ATG9B: variants seen among roughly 807,000 people sequenced by gnomAD.
The protein encoded by ATG9B is autophagy related 9B.
A neutral mutation model predicts 92.9 loss-of-function variants in ATG9B; 92 were observed. The observed-to-expected ratio is 0.99, with a 90% CI of 0.84 to 1.18. The LOEUF (loss-of-function observed/expected upper bound fraction) is 1.18. ATG9B is among the 50% of genes most tolerant of loss of function. The probability of loss-of-function intolerance (pLI) is 0.00; values close to 1 mark genes in which losing one functional copy is unlikely to be tolerated. For synonymous variants in ATG9B, 599 were observed against 551.4 expected, an observed-to-expected ratio of 1.09 and a Z score of -1.21; for missense variants, 1,344 against 1,235.0, an observed-to-expected ratio of 1.09 and a Z score of -1.32.
chr7:151,023,535 T>A, intron 2 of ATG9B, 26 bp from the exon 3 acceptor site: 3 of 1,612,948 alleles, frequency 1.9e-6, no homozygotes, highest in Non-Finnish European at 2.5e-6. Flanking sequence ...GGAACAAGCC[T>A]GAGGCACGGG....
chr7:151,019,054 C>T lies in ATG9B; in HGVS notation c.1284G>A (p.Arg428=). 6.5e-7 allele frequency: 1 copy of T among 1,537,732 alleles called. No homozygotes were observed. The highest frequency in any genetic ancestry group is 8.7e-7 in the Non-Finnish European group (1 of 1,147,074). Residue 428 remains arginine, a synonymous_variant, in exon 6 of 14, where the codon CGG becomes CGA. Coordinates refer to ENST00000639579, the MANE Select transcript of ATG9B (RefSeq NM_001317056.2). ...GCCCCCAGCGCGCTGCTAGGGCGCCCCGCTGGTCGCTGCGCTTGTAGGCGT... is the reference window on the plus strand; with the variant it reads ...GCCCCCAGCGCGCTGCTAGGGCGCCTCGCTGGTCGCTGCGCTTGTAGGCGT... ...LPHAYKRSDQ[R]GALAARWGRT...
At chr7:151,015,779 A>C (rs991394828) in intron 13 of ATG9B, 66 bp from the exon 14 acceptor site, 1 of 1,410,688 alleles carries the variant, frequency 7.1e-7, no homozygotes. Flanking sequence ...ACCACCTCCC[A>C]TCACCCCAAA....
downstream of ATG9B, chr7:151,013,164 C>T: frequency 6.5e-7 from 1 of 1,532,048 alleles, no homozygotes; most frequent in Non-Finnish European, 8.8e-7. Flanking sequence ...CGACGGTGGC[C>T]TGTGGGGAGG....
At position 151,019,316 on chromosome 7, in the gene ATG9B, C is replaced by T; in HGVS notation, c.1022G>A (p.Arg341Gln). Residue 341 changes from arginine to glutamine, a missense_variant, in exon 6 of 14, where the codon CGG becomes CAG. Arg to Gln is a conservative substitution (Grantham distance 43). Transcript: ENST00000639579. ...EVQSRLLALQ[R>Q]SGGLCVQPRP... ...CGGCTGCACGCACAGGCCCCCGCTC[C>T]GCTGCAGTGCCAAGAGGCGGGACTG... 1 of 1,576,448 alleles carries T rather than the reference C, an allele frequency of 6.3e-7. No individual in the cohort carries two copies. The highest frequency in any genetic ancestry group is 8.6e-7 in the Non-Finnish European group (1 of 1,169,024).
chr7:151,016,926 G>A (rs1200077992), intron 9 of ATG9B, 105 bp from the exon 10 acceptor site: 12 of 1,510,700 alleles, frequency 7.9e-6, no homozygotes, highest in East Asian at 4.7e-5. Flanking sequence ...AGCAGGCTGG[G>A]GGCGGGGGCT....
At chr7:151,023,343 A>G in intron 3 of ATG9B, 102 bp downstream of exon 3, 4 of 1,597,620 alleles carry the variant, frequency 2.5e-6, no homozygotes, top group Non-Finnish European at 3.4e-6. Context: ...CTGCTCGGGA[A>G]AGCATGGGAT....
rs148164935 is a variant in ATG9B, at chr7:151,020,717, G to A, written c.963+471C>T. 3.5e-3 allele frequency among the ~76,000 whole-genome samples: 533 copies of A among 152,250 alleles called. 2 individuals are homozygous for A. The highest frequency in any genetic ancestry group is 5.3e-3 in the Non-Finnish European group (362 of 68,014). On this transcript the variant is annotated intron_variant, in intron 5 of 13. Transcript: ENST00000639579. Reference sequence around the variant, plus strand: ...CCAATGCAGTGGCTTCCTGCAATGCGGGGGATGGCTTTGAAGGCTCTGTTT... The same window carrying A: ...CCAATGCAGTGGCTTCCTGCAATGCAGGGGATGGCTTTGAAGGCTCTGTTT...
chr7:151,024,352 C>T lies in ATG9B; in HGVS notation c.72G>A (p.Ser24=), dbSNP rs1239776376. The change falls in exon 1 of 14, where the codon TCG becomes TCA. Residue 24 remains serine (S), a synonymous_variant. Transcript: ENST00000639579. ...GCAGTGGCATGGGGAGGAGGGGCACCGATCCGGGCCCCAGATCTCCCCACC... is the reference window on the plus strand; with the variant it reads ...GCAGTGGCATGGGGAGGAGGGGCACTGATCCGGGCCCCAGATCTCCCCACC... ...LGRWGDLGPG[S]VPLLPMPLPP... is the part of the protein sequence containing the mutation. 18 of 1,392,506 alleles carry T rather than the reference C, an allele frequency of 1.3e-5. No individual in the cohort carries two copies. Among genetic ancestry groups the T allele is most frequent in the Admixed American group, 3.0e-5 (1 of 32,910 alleles). The allele number at this position is 1,392,506 out of a possible 1,614,324, so 86.3% of individuals were successfully genotyped here. A position where few individuals can be genotyped will look rare whatever the true frequency, so the allele number is the denominator to read the frequency against.
At chr7:151,012,666 G>T (rs1213015623), downstream of ATG9B, 5 of 584,626 alleles carry the variant, frequency 8.6e-6, no homozygotes, top group Non-Finnish European at 1.2e-5. Context: ...GCTTCCTGGT[G>T]CCTGGTACAT....
At chr7:151,012,255 A>G, downstream of ATG9B, 4 of 771,464 alleles carry the variant, frequency 5.2e-6, no homozygotes, top group Non-Finnish European at 3.6e-6. Context: ...TTGAGATGGG[A>G]AGAACTTGGG....
At position 151,018,105 on chromosome 7, in the gene ATG9B, A is replaced by T; in HGVS notation, c.1873-55T>A. 6.6e-7 allele frequency: 1 copy of T among 1,521,082 alleles called. No individual in the cohort carries two copies. Among genetic ancestry groups the T allele is most frequent in the Non-Finnish European group, 8.8e-7 (1 of 1,132,966 alleles). 94.2% of individuals were successfully genotyped at this position (1,521,082 alleles called of 1,614,324 possible). On this transcript the variant is annotated intron_variant, in intron 7 of 13. Coordinates refer to ENST00000639579, the MANE Select transcript of ATG9B (RefSeq NM_001317056.2). This position sits in a 1 kb window ranked among gnomAD's most constrained non-coding sequence, Gnocchi z 4.7. The stretch of plus-strand genomic sequence containing the variant: ...GGTCGCTGAGGGGCCCACGCGCGTT[A>T]TCAGGACCAAGCAGTCCCCAGCGAC...
Position 151,018,905 on chromosome 7 carries a change from GC to G in ATG9B, c.1432del (p.Ala478ArgfsTer76). 1.4e-6 allele frequency: 2 copies of G among 1,476,256 alleles called. No homozygotes were observed. The highest frequency in any genetic ancestry group is 2.6e-5 in the South Asian group (2 of 76,176). 91.4% of individuals were successfully genotyped at this position (1,476,256 alleles called of 1,614,324 possible). On this transcript the variant is annotated frameshift_variant, in exon 6 of 14. Transcript: ENST00000639579. LOFTEE classifies it high-confidence loss of function. This position sits in a 1 kb window ranked among gnomAD's most constrained non-coding sequence, Gnocchi z 4.7. The part of the protein sequence containing the change: ...LLRREPGALG[A>X]RGWSRLARLQ... Reference sequence around the variant, plus strand: ...GCGCGCCAGGCGGGACCAGCCGCGCGCCCCCAGCGCGCCAGGCTCGCGCCGC... The same window carrying G: ...GCGCGCCAGGCGGGACCAGCCGCGCGCCCCAGCGCGCCAGGCTCGCGCCGC...
rs570039652 is a variant in ATG9B at position 151,018,090 on chromosome 7, G to T, written c.1873-40C>A. ...GTGAGGCTGAGCAGGGGTCGCTGAG[G>T]GGCCCACGCGCGTTATCAGGACCAA... On this transcript the variant is annotated intron_variant, in intron 7 of 13. Coordinates refer to ENST00000639579, the MANE Select transcript of ATG9B (RefSeq NM_001317056.2). This position sits in a 1 kb window ranked among gnomAD's most constrained non-coding sequence, Gnocchi z 4.7. 2.3e-5 allele frequency: 35 copies of T among 1,535,442 alleles called. No individual in the cohort carries two copies. In the African/African-American group the frequency reaches 3.2e-4, roughly 14 times the overall value.
chr7:151,013,834 C>T, downstream of ATG9B: 2 of 1,607,672 alleles, frequency 1.2e-6, no homozygotes, highest in Non-Finnish European at 1.7e-6. Flanking sequence ...TGGCAACCAA[C>T]GTCCTGCAGA....
At chr7:151,021,849 C>T (rs1005118739) in intron 4 of ATG9B, among the ~76,000 whole-genome samples, 4 of 149,780 alleles carry the variant, frequency 2.7e-5, no homozygotes, top group Admixed American at 1.3e-4. Context: ...CAGGGTTTCA[C>T]CATGTTGGCC....
Position 151,018,526 on chromosome 7 carries a change from G to T in ATG9B, c.1719-79C>A. The T allele has an allele frequency of 6.6e-7, 1 of 1,522,640 alleles. No homozygotes were observed. The highest frequency in any genetic ancestry group is 8.8e-7 in the Non-Finnish European group (1 of 1,137,242). 94.3% of individuals were successfully genotyped at this position (1,522,640 alleles called of 1,614,324 possible). On this transcript the variant is annotated intron_variant, in intron 6 of 13. Coordinates refer to ENST00000639579, the MANE Select transcript of ATG9B (RefSeq NM_001317056.2). This position sits in a 1 kb window ranked among gnomAD's most constrained non-coding sequence, Gnocchi z 4.7. ...TGGGATGTAGGGCTAGAGGGCCCCA[G>T]TGGTGGGAGAGGTAAGGATTCGGGG...
chr7:151,014,248 C>T (rs1328510902), downstream of ATG9B: 4 of 1,401,052 alleles, frequency 2.9e-6, no homozygotes, highest in Non-Finnish European at 3.9e-6. Context: ...CAGCCCCGCT[C>T]CTCCCCTCTT....
Position 151,023,450 on chromosome 7 carries a change from C to A in ATG9B, c.654G>T (p.Gln218His). The A allele has an allele frequency of 6.2e-7, 1 of 1,612,996 alleles. No individual in the cohort carries two copies. The highest frequency in any genetic ancestry group is 1.1e-5 in the South Asian group (1 of 90,918). The change falls in exon 3 of 14, where the codon CAG becomes CAT. Residue 218 changes from glutamine (Q) to histidine (H), a missense_variant. Coordinates refer to ENST00000639579, the MANE Select transcript of ATG9B (RefSeq NM_001317056.2). ...FACILLEDVFQLGQFIFIVTF... is the reference protein window; with the variant it reads ...FACILLEDVFHLGQFIFIVTF... The stretch of plus-strand genomic sequence containing the variant: ...GCCCGGGCTAAGCGTCTCACCCCAG[C>A]TGGAAGACATCCTCCAGCAAGATGC...
chr7:151,021,329 C>G lies in ATG9B; in HGVS notation c.822G>C (p.Arg274Ser). 1 of 1,604,122 alleles carries G rather than the reference C, an allele frequency of 6.2e-7. No homozygotes were observed. The highest frequency in any genetic ancestry group is 8.5e-7 in the Non-Finnish European group (1 of 1,174,548). ...AILPSAQCAE[R>S]IRSSPLLVLL... is the part of the protein sequence containing the mutation. ...GGACCAGCAGCGGGCTGGAGCGGAT[C>G]CTGTATGGGGTTGGGCGGGCAGTGG... The change falls in exon 5 of 14, where the codon AGG becomes AGC. Residue 274 changes from arginine to serine, a missense_variant and splice_region_variant. Transcript: ENST00000639579.
Sources: allele counts gnomAD v4.1 joint callset (sites outside exome capture counted in the v4.1 genomes callset), GRCh38; gene constraint gnomAD v4.1.1; non-coding constraint Gnocchi (gnomAD v3.1); transcripts MANE v1.5; gene names NCBI Gene and HGNC (gene_info 2026-07-23, HGNC 2026-07-21).